The following EYA3 variants were observed in gnomAD, a reference collection of about 807,000 sequenced individuals.
EYA3 encodes EYA transcriptional coactivator and phosphatase 3, also known as protein phosphatase EYA3.
Under a neutral mutation model 80.0 loss-of-function variants are expected in EYA3, and 39 were observed. The observed-to-expected ratio is 0.49, with a 90% CI of 0.38 to 0.64. The LOEUF is 0.64. Ranked by LOEUF, EYA3 falls within the 30% of genes least tolerant of loss-of-function variation. The probability of loss-of-function intolerance (pLI) is 0.00; values close to 1 mark genes in which losing one functional copy is unlikely to be tolerated. For missense variants in EYA3, 523 were observed against 676.1 expected (o/e 0.77, Z 2.51); for synonymous variants, 206 against 232.8 (o/e 0.88, Z 1.05).
At chr1:28,006,730 A>C (rs1308763377) in intron 10 of EYA3, among the ~76,000 whole-genome samples, 1 of 151,948 alleles carries the variant, frequency 6.6e-6, no homozygotes, top group Non-Finnish European at 1.5e-5. Flanking sequence ...AAAATAAATA[A>C]AAATAAAAAT....
At position 27,974,322 on chromosome 1, in the gene EYA3, G is replaced by A. The variant is rs1309345478; in HGVS notation, c.*144C>T. 6.0e-6 allele frequency: 3 copies of A among 501,872 alleles called. No individual in the cohort carries two copies. Among genetic ancestry groups the A allele is most frequent in the Admixed American group, 3.3e-5 (1 of 30,190 alleles). 31.1% of individuals were successfully genotyped at this position (501,872 alleles called of 1,614,324 possible). On this transcript the variant is annotated 3_prime_UTR_variant, in exon 18 of 18. Transcript: ENST00000373871. ...GAGAGGAAGGGAGGGAGGGAGAGAGGGAGAGAGAGAAAGAGAGAAAGAGAG... is the reference window on the plus strand; with the variant it reads ...GAGAGGAAGGGAGGGAGGGAGAGAGAGAGAGAGAGAAAGAGAGAAAGAGAG...
At chr1:28,038,439 T>TA (rs74525723) in intron 5 of EYA3, among the ~76,000 whole-genome samples, 981 of 68,328 alleles carry the variant, frequency 0.014, 13 homozygotes, top group African/African-American at 0.026. Context: ...GATTCTATCT[T>TA]AAAAAAAAAA....
At chr1:28,088,253 GT>G (rs1645744530) in intron 1 of EYA3, among the ~76,000 whole-genome samples, 2 of 152,164 alleles carry the variant, frequency 1.3e-5, no homozygotes, top group African/African-American at 4.8e-5. Context: ...GCGCTGAGGC[GT>G]AAGGCAAGAA....
intron 7 of EYA3, 90 bp from the exon 8 acceptor site, chr1:28,017,329 T>C: frequency 1.1e-6 from 1 of 924,646 alleles, no homozygotes; most frequent in South Asian, 1.7e-5. Context: ...GTGAACAGAT[T>C]TATAAGGAGA....
At chr1:28,017,344 CA>C in intron 7 of EYA3, 105 bp from the exon 8 acceptor site, 1 of 766,792 alleles carries the variant, frequency 1.3e-6, no homozygotes, top group Non-Finnish European at 2.1e-6. Flanking sequence ...AGGAGATAAA[CA>C]ACATTGGCAA....
intron 2 of EYA3, among the ~76,000 whole-genome samples, chr1:28,056,868 T>G (rs1644455997): frequency 6.6e-6 from 1 of 152,198 alleles, no homozygotes; most frequent in Non-Finnish European, 1.5e-5. Flanking sequence ...CATTAAAAAC[T>G]CAATGGCATA....
intron 1 of EYA3, among the ~76,000 whole-genome samples, chr1:28,060,610 ATCTAT>A (rs1266193820): frequency 1.3e-5 from 2 of 152,242 alleles, no homozygotes; most frequent in African/African-American, 4.8e-5. Flanking sequence ...TCCTTTCTAC[ATCTAT>A]TCTGTGAAAA....
At position 28,058,106 on chromosome 1, in the gene EYA3, AAGG is replaced by A; in HGVS notation, c.-68-15_-68-13del. 1 of 1,219,662 alleles carries A rather than the reference AAGG, an allele frequency of 8.2e-7. No individual in the cohort carries two copies. The highest frequency in any genetic ancestry group is 2.4e-5 in the East Asian group (1 of 41,350). 75.6% of individuals were successfully genotyped at this position (1,219,662 alleles called of 1,614,324 possible). A position where few individuals can be genotyped will look rare whatever the true frequency, so the allele number is the denominator to read the frequency against. ...GCAGTTTTCACAATCTGTTTTTAAA[AAGG>A]AGGATTCAAAGCTTTATACACTCTT... On this transcript the variant is annotated splice_polypyrimidine_tract_variant and intron_variant, in intron 1 of 17. Coordinates refer to ENST00000373871, the MANE Select transcript of EYA3 (RefSeq NM_001990.4).
At chr1:28,087,884 C>T (rs960270703) in intron 1 of EYA3, among the ~76,000 whole-genome samples, 2 of 152,242 alleles carry the variant, frequency 1.3e-5, no homozygotes. Flanking sequence ...ACTATGGAAG[C>T]TACCAGAGTT....
intron 16 of EYA3, among the ~76,000 whole-genome samples, chr1:27,980,900 A>G (rs1174837692): frequency 6.6e-6 from 1 of 152,176 alleles, no homozygotes; most frequent in East Asian, 1.9e-4. Context: ...TTAGCTGGGT[A>G]TGGTGGTGGA....
intron 4 of EYA3, among the ~76,000 whole-genome samples, chr1:28,041,135 C>T (rs1415649320): frequency 2.0e-5 from 3 of 150,214 alleles, no homozygotes; most frequent in South Asian, 2.1e-4. Flanking sequence ...AGGCTGAGGC[C>T]GGCAGATCAC....
rs559694431 is a variant in EYA3 at position 27,973,309 on chromosome 1, G to A, written c.*1157C>T. 1 of 152,258 alleles carries A rather than the reference G, an allele frequency of 6.6e-6. No homozygotes were observed. The highest frequency in any genetic ancestry group is 1.9e-4 in the East Asian group (1 of 5,182). The allele number at this position is 152,258 out of a possible 1,614,324, so 9.4% of individuals were successfully genotyped here. A position where few individuals can be genotyped will look rare whatever the true frequency, so the allele number is the denominator to read the frequency against. On this transcript the variant is annotated 3_prime_UTR_variant, in exon 18 of 18. Transcript: ENST00000373871. ...TTGAATTCTTGGGTCTAATACCCGG[G>A]GACTGGCCAGAGCTGCCTGGAGGTG...
intron 1 of EYA3, among the ~76,000 whole-genome samples, chr1:28,061,883 G>A (rs1644642323): frequency 6.6e-6 from 1 of 151,502 alleles, no homozygotes; most frequent in Admixed American, 6.6e-5. Flanking sequence ...ACAGGTGTGA[G>A]CCACCGCGCC....
intron 1 of EYA3, among the ~76,000 whole-genome samples, chr1:28,058,813 G>A (rs528705789): frequency 5.3e-5 from 8 of 152,078 alleles, no homozygotes; most frequent in Non-Finnish European, 1.2e-4. Context: ...AAACAAAAAA[G>A]GAAAAATGGG....
chr1:28,036,829 AGGGGG>A (rs1389977894), intron 5 of EYA3, among the ~76,000 whole-genome samples: 4 of 152,198 alleles, frequency 2.6e-5, no homozygotes, highest in Non-Finnish European at 5.9e-5. Context: ...AAAATATAGC[AGGGGG>A]TGTTTTAAAG....
intron 14 of EYA3, among the ~76,000 whole-genome samples, chr1:27,991,939 A>G (rs1640094084): frequency 6.6e-6 from 1 of 152,230 alleles, no homozygotes; most frequent in East Asian, 1.9e-4. Context: ...GTGAGAAAGA[A>G]AATGCAAAAA....
At chr1:28,039,950 G>A (rs1235688487) in intron 4 of EYA3, among the ~76,000 whole-genome samples, 1 of 152,142 alleles carries the variant, frequency 6.6e-6, no homozygotes, top group Non-Finnish European at 1.5e-5. Context: ...ATGGTTCTCA[G>A]TTGACACATA....
chr1:28,019,525 G>A (rs1384469456), intron 7 of EYA3, among the ~76,000 whole-genome samples: 2 of 152,054 alleles, frequency 1.3e-5, no homozygotes, highest in African/African-American at 4.8e-5. Flanking sequence ...ATCCTAGGCA[G>A]GCCTGCAATA....
intron 4 of EYA3, among the ~76,000 whole-genome samples, chr1:28,041,572 A>T (rs140623529): frequency 1.3e-5 from 2 of 150,446 alleles, no homozygotes; most frequent in Non-Finnish European, 3.0e-5. Flanking sequence ...AAAAAAAAAA[A>T]TAAAGAACAG....
Sources: allele counts gnomAD v4.1 joint callset (sites outside exome capture counted in the v4.1 genomes callset), GRCh38; gene constraint gnomAD v4.1.1; transcripts MANE v1.5; gene names NCBI Gene and HGNC (gene_info 2026-07-23, HGNC 2026-07-21).